Variants in SSBP1 observed in about 807,000 individuals in gnomAD.
The protein encoded by SSBP1 is single stranded DNA binding protein 1, also known as single-stranded DNA-binding protein, mitochondrial.
Under a neutral mutation model 27.0 loss-of-function variants are expected in SSBP1, and 20 were observed. The observed-to-expected ratio is 0.74, with a 90% confidence interval of 0.52 to 1.08. The LOEUF is 1.08. Ranked by LOEUF, SSBP1 falls within the 50% of genes least tolerant of loss-of-function variation. The probability of loss-of-function intolerance (pLI) is 0.00; values close to 1 mark genes in which losing one functional copy is unlikely to be tolerated. For missense variants in SSBP1, 137 were observed against 182.4 expected, an observed-to-expected ratio of 0.75 and a Z score of 1.44; for synonymous variants, 59 against 59.3, an observed-to-expected ratio of 1.00 and a Z score of 0.02.
chr7:141,742,298 A>G, intron 3 of SSBP1, 69 bp downstream of exon 3: 1 of 1,201,338 alleles, frequency 8.3e-7, no homozygotes, highest in Non-Finnish European at 1.2e-6. Flanking sequence ...GTGTTGTAGA[A>G]GAGGTATGCT....
intron 3 of SSBP1, 84 bp downstream of exon 3, chr7:141,742,313 G>A (rs891960001): frequency 7.8e-6 from 8 of 1,028,466 alleles, no homozygotes; most frequent in African/African-American, 1.6e-5. Context: ...TATGCTGCTT[G>A]GGTTAACCAT....
rs62486741 is a variant in SSBP1, at chr7:141,747,751, G to A, written c.403+2167G>A. Among the ~76,000 whole-genome samples, 71 of 150,660 alleles carry A rather than the reference G, an allele frequency of 4.7e-4. 1 individual carries two copies. The highest frequency in any genetic ancestry group is 2.1e-3 in the Admixed American group (32 of 15,196). ...CAGTGGCTCACGCCTGTAATCCCAG[G>A]CCTTTGGGAGGCTGAGGTGGGTGGA... is the stretch of plus-strand genomic sequence containing the variant. On this transcript the variant is annotated intron_variant, in intron 6 of 6. Transcript: ENST00000265304.
intron 3 of SSBP1, 145 bp downstream of exon 3, chr7:141,742,374 C>T (rs1799572666): frequency 6.6e-6 from 4 of 609,014 alleles, no homozygotes; most frequent in Non-Finnish European, 1.2e-5. Flanking sequence ...TTAGCCTTGA[C>T]ACATCAGGCT....
At chr7:141,740,384 A>G (rs967187924) in intron 2 of SSBP1, 3 of 152,034 alleles carry the variant, frequency 2.0e-5, no homozygotes, top group Admixed American at 6.6e-5. Flanking sequence ...AGTGATGTGT[A>G]CTCCCATCTT....
chr7:141,742,631 A>G (rs933812125), intron 3 of SSBP1, among the ~76,000 whole-genome samples: 1 of 151,354 alleles, frequency 6.6e-6, no homozygotes, highest in African/African-American at 2.4e-5. Flanking sequence ...TAAAAAAGAT[A>G]TCTTAAAGAA....
intron 2 of SSBP1, chr7:141,741,000 G>T (rs1799506461): frequency 3.9e-5 from 6 of 152,198 alleles, no homozygotes; most frequent in Admixed American, 3.9e-4. Flanking sequence ...TGTTCCTGTT[G>T]CTGTGTCAGA....
chr7:141,748,446 A>C (rs879347955), intron 6 of SSBP1, among the ~76,000 whole-genome samples: 6 of 152,164 alleles, frequency 3.9e-5, no homozygotes, highest in Middle Eastern at 3.4e-3. Context: ...ACCATACCTT[A>C]TTAATAATTT....
At chr7:141,749,104 C>G (rs1010525959) in intron 6 of SSBP1, among the ~76,000 whole-genome samples, 1 of 151,864 alleles carries the variant, frequency 6.6e-6, no homozygotes, top group Non-Finnish European at 1.5e-5. Context: ...AAAAAGAAAC[C>G]AATAAAAATA....
chr7:141,739,135 A>G lies in SSBP1; in HGVS notation c.-32A>G, dbSNP rs1226352548. The G allele has an allele frequency of 2.5e-6, 4 of 1,574,246 alleles. No homozygotes were observed. Among genetic ancestry groups the G allele is most frequent in the Non-Finnish European group, 3.4e-6 (4 of 1,165,478 alleles). ...TTTTTTTCCTTCAGGAAAAGCCTAA[A>G]GATTAGACTGTAAGAAAAGAAAATA... On this transcript the variant is annotated 5_prime_UTR_variant, in exon 2 of 7. Transcript: ENST00000265304.
intron 6 of SSBP1, among the ~76,000 whole-genome samples, chr7:141,747,730 G>A (rs1371561027): frequency 6.6e-6 from 1 of 151,198 alleles, no homozygotes. Flanking sequence ...TGGATGCAGT[G>A]GCTCACGCCT....
intron 3 of SSBP1, among the ~76,000 whole-genome samples, chr7:141,742,589 C>A (rs1218532029): frequency 6.6e-6 from 1 of 152,160 alleles, no homozygotes; most frequent in African/African-American, 2.4e-5. Context: ...ATTTTCAGAT[C>A]TCAGATTTGT....
intron 6 of SSBP1, among the ~76,000 whole-genome samples, chr7:141,748,511 G>A (rs1158781386): frequency 1.3e-5 from 2 of 152,162 alleles, no homozygotes; most frequent in African/African-American, 2.4e-5. Context: ...CTTTGAAAGT[G>A]TATTAACCTT....
intron 6 of SSBP1, 92 bp downstream of exon 6, chr7:141,745,676 A>G (rs748288244): frequency 1.9e-6 from 3 of 1,545,060 alleles, no homozygotes; most frequent in South Asian, 1.2e-5. Flanking sequence ...GGTTAAGAGT[A>G]CCAGTACTTA....
chr7:141,745,269 A>G (rs569747719), intron 5 of SSBP1, among the ~76,000 whole-genome samples: 1 of 152,328 alleles, frequency 6.6e-6, no homozygotes, highest in Admixed American at 6.5e-5. Context: ...CCGTAAGAGA[A>G]ATAGCTGACA....
chr7:141,742,918 G>A (rs927428705), intron 3 of SSBP1, among the ~76,000 whole-genome samples: 2 of 152,052 alleles, frequency 1.3e-5, no homozygotes, highest in Non-Finnish European at 2.9e-5. Flanking sequence ...GCAGTGGCGC[G>A]GTCTCCGCTC....
At chr7:141,747,242 CATT>C (rs1327988759) in intron 6 of SSBP1, among the ~76,000 whole-genome samples, 1 of 152,014 alleles carries the variant, frequency 6.6e-6, no homozygotes, top group East Asian at 1.9e-4. Flanking sequence ...TAAAATTAGA[CATT>C]GTGAATTTTG....
chr7:141,739,051 A>C, intron 1 of SSBP1, 73 bp from the exon 2 acceptor site: 1 of 794,654 alleles, frequency 1.3e-6, no homozygotes, highest in Non-Finnish European at 1.9e-6. Context: ...TATAGTTAGG[A>C]ATTTAGGACT....
At chr7:141,749,120 A>G (rs566062238) in intron 6 of SSBP1, among the ~76,000 whole-genome samples, 1 of 152,348 alleles carries the variant, frequency 6.6e-6, no homozygotes, top group Admixed American at 6.5e-5. Context: ...AAATAATACA[A>G]CAACAACAAA....
intron 4 of SSBP1, 25 bp from the exon 5 acceptor site, chr7:141,743,877 C>G (rs1293938308): frequency 6.3e-7 from 1 of 1,598,228 alleles, no homozygotes; most frequent in Non-Finnish European, 8.5e-7. Context: ...GCATTTGTAA[C>G]CAATTTCCTA....
Sources: allele counts gnomAD v4.1 joint callset (sites outside exome capture counted in the v4.1 genomes callset), GRCh38; gene constraint gnomAD v4.1.1; transcripts MANE v1.5; gene names NCBI Gene and HGNC (gene_info 2026-07-23, HGNC 2026-07-21).